The following FAM228B variants were observed in gnomAD, a reference collection of about 807,000 sequenced individuals.
FAM228B encodes the protein family with sequence similarity 228 member B.
Under a neutral mutation model 42.6 loss-of-function variants are expected in FAM228B, and 38 were observed. The observed-to-expected ratio is 0.89, with a 90% CI of 0.69 to 1.17. The LOEUF is 1.17. FAM228B is among the 50% of genes most tolerant of loss of function. The probability of loss-of-function intolerance (pLI) is 0.00; values close to 1 mark genes in which losing one functional copy is unlikely to be tolerated. For missense variants in FAM228B, 344 were observed against 367.3 expected, an observed-to-expected ratio of 0.94 and a Z score of 0.52; for synonymous variants, 109 against 122.3, an observed-to-expected ratio of 0.89 and a Z score of 0.72.
intron 2 of FAM228B, among the ~76,000 whole-genome samples, chr2:24,133,586 T>G (rs72797824): frequency 0.16 from 24,591 of 152,236 alleles, 2,152 homozygotes; most frequent in South Asian, 0.21. Flanking sequence ...CAAAGGCAAT[T>G]CTGTGCTAGA....
intron 3 of FAM228B, among the ~76,000 whole-genome samples, chr2:24,113,268 A>T (rs546174040): frequency 3.7e-4 from 57 of 152,172 alleles, no homozygotes; most frequent in Non-Finnish European, 5.1e-4. Context: ...ATTTACTGTT[A>T]TCTCTTTTCA....
chr2:24,136,682 G>T (rs905279927), intron 3 of FAM228B, among the ~76,000 whole-genome samples: 8 of 152,108 alleles, frequency 5.3e-5, no homozygotes, highest in African/African-American at 1.9e-4. Context: ...ATTCTTAAAG[G>T]CCCAGCCCAA....
In FAM228B at chr2:24,099,417, A is replaced by G. The variant is rs186224516; in HGVS notation, c.-121+4188A>G. 6.7e-3 allele frequency among the ~76,000 whole-genome samples: 1,019 copies of G among 152,346 alleles called. 9 individuals carry two copies. The highest frequency in any genetic ancestry group is 0.011 in the Non-Finnish European group (776 of 68,036). On this transcript the variant is annotated intron_variant, in intron 3 of 10. Transcript: ENST00000613899. Reference sequence around the variant, plus strand: ...TCTCCTTAAGCTGATAAGCAACTTCAGCAAAGTCTCAGGATACAAAATCAG... The same window carrying G: ...TCTCCTTAAGCTGATAAGCAACTTCGGCAAAGTCTCAGGATACAAAATCAG...
chr2:24,159,411 G>A (rs1667237789), intron 7 of FAM228B, among the ~76,000 whole-genome samples: 1 of 152,196 alleles, frequency 6.6e-6, no homozygotes, highest in South Asian at 2.1e-4. Flanking sequence ...GACACACAAA[G>A]AAGGGTCATT....
intron 9 of FAM228B, chr2:24,166,052 AAAATAT>A (rs902172726): frequency 5.2e-5 from 1 of 19,410 alleles, no homozygotes; most frequent in African/African-American, 9.5e-5. Flanking sequence ...AAAAAAAAAA[AAAATAT>A]ATATATATAT....
intron 1 of FAM228B, among the ~76,000 whole-genome samples, chr2:24,078,484 A>G (rs1432367278): frequency 5.1e-5 from 6 of 118,304 alleles, no homozygotes; most frequent in African/African-American, 1.7e-4. Flanking sequence ...TCTCCATAAA[A>G]AAAAAAAAAA....
intron 2 of FAM228B, among the ~76,000 whole-genome samples, chr2:24,127,102 C>G (rs903407180): frequency 1.3e-5 from 2 of 152,112 alleles, no homozygotes; most frequent in Admixed American, 6.5e-5. Context: ...GCAGTCACCC[C>G]CCATTCCCCT....
At chr2:24,133,182 T>C (rs188354124) in intron 2 of FAM228B, among the ~76,000 whole-genome samples, 1 of 151,378 alleles carries the variant, frequency 6.6e-6, no homozygotes, top group African/African-American at 2.4e-5. Context: ...TCTAGTGCTG[T>C]TTTTTTTTCT....
intron 1 of FAM228B, chr2:24,079,579 G>A (rs1306572867): frequency 6.2e-7 from 1 of 1,614,044 alleles, no homozygotes; most frequent in Non-Finnish European, 8.5e-7. Flanking sequence ...GAGCCAGGCA[G>A]TTGACGTTCT....
upstream of FAM228B, among the ~76,000 whole-genome samples, chr2:24,118,759 A>T (rs748076916): frequency 7.2e-5 from 11 of 152,208 alleles, no homozygotes; most frequent in Non-Finnish European, 1.3e-4. Context: ...GCTATATCTT[A>T]ACCAGCTCTG....
intron 5 of FAM228B, among the ~76,000 whole-genome samples, chr2:24,141,083 C>CT (rs879837381): frequency 9.0e-4 from 131 of 145,670 alleles, no homozygotes; most frequent in East Asian, 5.0e-3. Context: ...AAATAGATAC[C>CT]TTTTTTTTTT....
chr2:24,081,253 C>T (rs971157375), intron 2 of FAM228B, among the ~76,000 whole-genome samples: 12 of 152,188 alleles, frequency 7.9e-5, no homozygotes, highest in East Asian at 1.9e-4. Context: ...AGCATATTGA[C>T]GACCTTTTCT....
intron 7 of FAM228B, among the ~76,000 whole-genome samples, chr2:24,158,169 A>G (rs1419260733): frequency 1.6e-5 from 2 of 128,522 alleles, no homozygotes; most frequent in Non-Finnish European, 1.5e-5. Flanking sequence ...TATTCTTCAC[A>G]TATGCTGGGC....
At chr2:24,121,192 C>T (rs1447352749), upstream of FAM228B, 3 of 1,614,024 alleles carry the variant, frequency 1.9e-6, no homozygotes, top group East Asian at 4.5e-5. Flanking sequence ...TATTCATCTG[C>T]CCGGACACAT....
chr2:24,142,575 G>GA (rs1479567416), intron 5 of FAM228B: 2 of 152,198 alleles, frequency 1.3e-5, no homozygotes, highest in Admixed American at 1.3e-4. Flanking sequence ...ATTGTGAGCT[G>GA]AACTGGCTGC....
At chr2:24,134,768 T>C (rs1666540361) in intron 2 of FAM228B, among the ~76,000 whole-genome samples, 4 of 152,142 alleles carry the variant, frequency 2.6e-5, no homozygotes. Flanking sequence ...GAGGCCAACA[T>C]GGCAAAACCC....
chr2:24,124,338 G>A lies in FAM228B; in HGVS notation c.-24G>A. The A allele has an allele frequency of 6.2e-6, 9 of 1,453,546 alleles. No individual in the cohort carries two copies. The highest frequency in any genetic ancestry group is 8.4e-6 in the Non-Finnish European group (9 of 1,070,402). 90.0% of individuals were successfully genotyped at this position (1,453,546 alleles called of 1,614,324 possible). The stretch of plus-strand genomic sequence containing the variant: ...AATAAGATGATTTTTAGTTTTTCCA[G>A]GGGCATTGTTATTTGTGACCACAAT... On this transcript the variant is annotated 5_prime_UTR_variant, in exon 2 of 11. Transcript: ENST00000615575.
intron 2 of FAM228B, among the ~76,000 whole-genome samples, chr2:24,091,805 T>C (rs1329970905): frequency 6.6e-6 from 1 of 152,180 alleles, no homozygotes; most frequent in East Asian, 1.9e-4. Context: ...AAAATGTCAG[T>C]TTTACCAAAT....
At chr2:24,119,511 G>A (rs186366109), upstream of FAM228B, 5 of 1,172,590 alleles carry the variant, frequency 4.3e-6, no homozygotes, top group Admixed American at 3.9e-5. Flanking sequence ...TTGGATCTCT[G>A]TTACTCGTAG....
Sources: gnomAD v4.1 joint callset for allele counts (sites outside exome capture counted in the v4.1 genomes callset) on GRCh38, gnomAD v4.1.1 for gene constraint, MANE v1.5 for transcripts, NCBI Gene and HGNC (gene_info 2026-07-23, HGNC 2026-07-21) for gene names.